Variants in PAFAH1B1 observed in about 807,000 individuals in gnomAD.
PAFAH1B1 encodes platelet activating factor acetylhydrolase 1b regulatory subunit 1.
A neutral mutation model predicts 57.5 loss-of-function variants in PAFAH1B1; 2 were observed. The ratio of observed to expected loss-of-function variants is 0.03; its 90% confidence interval spans 0.01 to 0.11. The LOEUF is 0.11. Among genes scored for constraint, PAFAH1B1 ranks in the 10% least tolerant of loss-of-function variants. PAFAH1B1 has a pLI of 1.00. For synonymous variants in PAFAH1B1, 152 were observed against 169.6 expected (o/e 0.90, Z 0.81); for missense variants, 257 against 512.0 (o/e 0.50, Z 4.81).
chr17:2,642,732 A>G (rs1270717038), intron 2 of PAFAH1B1, among the ~76,000 whole-genome samples: 4 of 152,226 alleles, frequency 2.6e-5, no homozygotes, highest in Non-Finnish European at 5.9e-5. Flanking sequence ...TGCCCACGAC[A>G]TGATCATCAA....
chr17:2,673,483 C>CA (rs1346899718), intron 7 of PAFAH1B1, among the ~76,000 whole-genome samples: 11 of 151,396 alleles, frequency 7.3e-5, no homozygotes, highest in Admixed American at 6.6e-4. Flanking sequence ...ACTAAAAATA[C>CA]AAAAAATTAG....
At chr17:2,617,019 GCC>G in intron 1 of PAFAH1B1, among the ~76,000 whole-genome samples, 1 of 152,218 alleles carries the variant, frequency 6.6e-6, no homozygotes, top group African/African-American at 2.4e-5. Context: ...GTTGCAGTGA[GCC>G]GAGATCGCAC....
At chr17:2,660,645 G>A (rs2069002673) in intron 2 of PAFAH1B1, among the ~76,000 whole-genome samples, 1 of 152,140 alleles carries the variant, frequency 6.6e-6, no homozygotes, top group East Asian at 1.9e-4. Flanking sequence ...TCTTTATCCA[G>A]TCTGTCATTG....
chr17:2,667,093 G>A lies in PAFAH1B1; in HGVS notation c.294G>A (p.Pro98=), dbSNP rs150061782. ...ACCCAAAAGAATGGATTCCCCGTCC[G>A]CCAGAAAAATATGCATTGAGTGGTC... is the stretch of plus-strand genomic sequence containing the variant. ...KRDPKEWIPR[P]PEKYALSGHR... is the part of the protein sequence containing the mutation. Residue 98 remains proline (P), a synonymous_variant, in exon 5 of 11, where the codon CCG becomes CCA. Coordinates refer to ENST00000397195, the MANE Select transcript of PAFAH1B1 (RefSeq NM_000430.4). 10 of 1,613,680 alleles carry A rather than the reference G, an allele frequency of 6.2e-6. No individual in the cohort carries two copies. Among genetic ancestry groups the A allele is most frequent in the African/African-American group, 5.3e-5 (4 of 74,890 alleles).
At chr17:2,672,176 C>T (rs547788238) in intron 6 of PAFAH1B1, among the ~76,000 whole-genome samples, 34 of 148,370 alleles carry the variant, frequency 2.3e-4, no homozygotes, top group South Asian at 1.3e-3. Flanking sequence ...TCCAGCTACC[C>T]GACAGGCTGA....
At position 2,646,690 on chromosome 17, in the gene PAFAH1B1, C is replaced by T. The variant is rs553234444; in HGVS notation, c.32+8370C>T. On this transcript the variant is annotated intron_variant, in intron 2 of 10. Transcript: ENST00000397195. ...AAATAAATTTGAAAATCTGAATGAC[C>T]TGGGTGCTTTTTCTAGGAAAATATG... Among the ~76,000 whole-genome samples the T allele has an allele frequency of 2.6e-5, 4 of 152,124 alleles. No individual in the cohort carries two copies. The South Asian group carries it at 8.3e-4, about 32-fold the overall frequency.
intron 1 of PAFAH1B1, among the ~76,000 whole-genome samples, chr17:2,615,487 C>G (rs1250209868): frequency 2.0e-5 from 3 of 152,184 alleles, no homozygotes; most frequent in African/African-American, 7.2e-5. Context: ...GTCGCCCAGC[C>G]TGGAGTGCAG....
chr17:2,671,817 G>A (rs553944939), intron 6 of PAFAH1B1, among the ~76,000 whole-genome samples: 4 of 151,744 alleles, frequency 2.6e-5, no homozygotes, highest in African/African-American at 9.7e-5. Context: ...TGGCCAGGCT[G>A]GTCTTGAACT....
Position 2,682,711 on chromosome 17 carries a change from A to C in PAFAH1B1, c.*909A>C, listed in dbSNP as rs1203413898. 2.6e-5 allele frequency: 4 copies of C among 152,708 alleles called. No individual in the cohort carries two copies. The highest frequency in any genetic ancestry group is 4.8e-5 in the African/African-American group (2 of 41,458). The allele number at this position is 152,708 out of a possible 1,614,324, so 9.5% of individuals were successfully genotyped here. ...TTTAGGGATGTGCAATGTGCATTAC[A>C]TAATGACAGAAATACTGAGAAGGTT... On this transcript the variant is annotated 3_prime_UTR_variant, in exon 11 of 11. Transcript: ENST00000397195.
chr17:2,666,394 G>C (rs2069107131), intron 4 of PAFAH1B1, among the ~76,000 whole-genome samples: 1 of 152,084 alleles, frequency 6.6e-6, no homozygotes, highest in Admixed American at 6.6e-5. Context: ...TTAATGCTGG[G>C]AAAAGAACAC....
At chr17:2,633,059 G>A (rs567698389) in intron 1 of PAFAH1B1, among the ~76,000 whole-genome samples, 12 of 152,130 alleles carry the variant, frequency 7.9e-5, no homozygotes, top group Non-Finnish European at 1.2e-4. Context: ...CATACCCCTG[G>A]TCTGGTTGTC....
intron 1 of PAFAH1B1, among the ~76,000 whole-genome samples, chr17:2,605,618 C>A (rs141845427): frequency 1.1e-4 from 17 of 152,258 alleles, no homozygotes; most frequent in African/African-American, 3.9e-4. Flanking sequence ...CTCCCTGCCG[C>A]GCCCCCCTTA....
intron 2 of PAFAH1B1, among the ~76,000 whole-genome samples, chr17:2,652,942 A>C (rs796144948): frequency 4.2e-4 from 64 of 152,304 alleles, no homozygotes; most frequent in African/African-American, 1.4e-3. Flanking sequence ...AGGATTATAA[A>C]TCATGCTGCT....
chr17:2,621,723 G>C (rs1217898292), intron 1 of PAFAH1B1, among the ~76,000 whole-genome samples: 26 of 130,912 alleles, frequency 2.0e-4, no homozygotes, highest in Admixed American at 1.4e-3. Context: ...CATCCCAGGT[G>C]TTGCCCTCCC....
intron 1 of PAFAH1B1, among the ~76,000 whole-genome samples, chr17:2,605,085 C>T (rs76961191): frequency 0.024 from 3,601 of 152,110 alleles, 117 homozygotes; most frequent in African/African-American, 0.078. Context: ...ATGCAGGTGG[C>T]AATAATGAAT....
At chr17:2,632,717 T>C (rs1376931736) in intron 1 of PAFAH1B1, among the ~76,000 whole-genome samples, 1 of 152,220 alleles carries the variant, frequency 6.6e-6, no homozygotes, top group African/African-American at 2.4e-5. Context: ...TTACATAATA[T>C]TTACATTGTA....
intron 9 of PAFAH1B1, among the ~76,000 whole-genome samples, chr17:2,677,688 A>G (rs1269748382): frequency 6.6e-6 from 1 of 151,936 alleles, no homozygotes. Flanking sequence ...CCCCGTCTCT[A>G]CTAAAAATAC....
intron 1 of PAFAH1B1, among the ~76,000 whole-genome samples, chr17:2,624,691 CAAGTT>C (rs2068466379): frequency 6.6e-6 from 1 of 152,132 alleles, no homozygotes; most frequent in Admixed American, 6.6e-5. Flanking sequence ...AGATACAAGT[CAAGTT>C]GAGATTTCTG....
chr17:2,601,732 G>T (rs1177711865), intron 1 of PAFAH1B1, among the ~76,000 whole-genome samples: 4 of 152,086 alleles, frequency 2.6e-5, no homozygotes, highest in African/African-American at 9.7e-5. Context: ...ATGCACCACG[G>T]CGCCCGGCCT....
Sources: allele counts gnomAD v4.1 joint callset (sites outside exome capture counted in the v4.1 genomes callset), GRCh38; gene constraint gnomAD v4.1.1; transcripts MANE v1.5; gene names NCBI Gene and HGNC (gene_info 2026-07-23, HGNC 2026-07-21).